Variants in SAE1 observed in about 807,000 individuals in gnomAD.
SAE1 encodes SUMO-activating enzyme subunit 1.
Under a neutral mutation model 40.6 loss-of-function variants are expected in SAE1, and 11 were observed. That is an observed-to-expected ratio of 0.27 (90% CI 0.17 to 0.45). The LOEUF (loss-of-function observed/expected upper bound fraction) is 0.45, where lower values mean the gene tolerates loss of function less well. SAE1 is among the 20% of genes least tolerant of loss of function. The pLI, the probability that SAE1 is intolerant of heterozygous loss-of-function variation, is 1.00. For synonymous variants in SAE1, 155 were observed against 154.3 expected, an observed-to-expected ratio of 1.00 and a Z score of -0.03; for missense variants, 373 against 427.3, an observed-to-expected ratio of 0.87 and a Z score of 1.12.
At chr19:47,184,390 TTCTG>T (rs1484912635) in intron 6 of SAE1, among the ~76,000 whole-genome samples, 2 of 152,150 alleles carry the variant, frequency 1.3e-5, no homozygotes, top group East Asian at 1.9e-4. Flanking sequence ...ACCTACCTCA[TTCTG>T]TCTTTTTTGT....
chr19:47,176,428 G>C (rs747841235), intron 6 of SAE1, among the ~76,000 whole-genome samples: 4 of 152,228 alleles, frequency 2.6e-5, no homozygotes, highest in Non-Finnish European at 5.9e-5. Context: ...AAAGAAACCT[G>C]ATTTTGTTTC....
At chr19:47,145,228 C>CT (rs532194916) in intron 2 of SAE1, among the ~76,000 whole-genome samples, 1 of 152,036 alleles carries the variant, frequency 6.6e-6, no homozygotes, top group South Asian at 2.1e-4. Flanking sequence ...TCTTGAACTC[C>CT]GACCTCAGGT....
intron 3 of SAE1, among the ~76,000 whole-genome samples, chr19:47,151,671 T>C (rs1343351998): frequency 2.0e-5 from 3 of 152,212 alleles, no homozygotes; most frequent in Non-Finnish European, 4.4e-5. Context: ...TGTGCATTTG[T>C]CCTGTTTTCT....
chr19:47,158,814 G>A (rs2058339769), intron 5 of SAE1, among the ~76,000 whole-genome samples: 1 of 152,226 alleles, frequency 6.6e-6, no homozygotes, highest in East Asian at 1.9e-4. Flanking sequence ...ACACAGCTGT[G>A]GAAGAAGGGG....
intron 2 of SAE1, among the ~76,000 whole-genome samples, chr19:47,143,969 T>G (rs1229036698): frequency 1.3e-5 from 2 of 152,198 alleles, no homozygotes; most frequent in Non-Finnish European, 2.9e-5. Context: ...GGAGGCTTCG[T>G]GGTGCCCTAG....
chr19:47,143,348 G>T (rs532168173), intron 1 of SAE1, 146 bp from the exon 2 acceptor site: 1 of 602,718 alleles, frequency 1.7e-6, no homozygotes, highest in South Asian at 1.8e-5. Flanking sequence ...CAAGTGATCC[G>T]CCTATCTCAG....
At chr19:47,145,900 T>C (rs1600154800) in intron 2 of SAE1, among the ~76,000 whole-genome samples, 1 of 151,302 alleles carries the variant, frequency 6.6e-6, no homozygotes, top group East Asian at 1.9e-4. Context: ...GTGCTGGTGA[T>C]AGAAAGATGC....
chr19:47,173,592 G>A (rs1017105801), intron 6 of SAE1, among the ~76,000 whole-genome samples: 1 of 151,890 alleles, frequency 6.6e-6, no homozygotes, highest in African/African-American at 2.4e-5. Context: ...ACACTGTCAC[G>A]GGGGACTGTC....
rs138256634 is a variant in SAE1, at chr19:47,204,140, C to G, written c.948+400C>G. Among the ~76,000 whole-genome samples the G allele has an allele frequency of 2.6e-3, 392 of 151,422 alleles. 3 individuals are homozygous for G. The highest frequency in any genetic ancestry group is 9.2e-3 in the African/African-American group (378 of 41,206). On this transcript the variant is annotated intron_variant, in intron 8 of 8. Transcript: ENST00000270225. ...GGACTCCAGAACCTGTGCTCTTAAC[C>G]TCTGTACAGTTTATCTCTATTCATC...
intron 7 of SAE1, among the ~76,000 whole-genome samples, chr19:47,202,548 A>G (rs1245214917): frequency 6.6e-6 from 1 of 151,618 alleles, no homozygotes; most frequent in African/African-American, 2.4e-5. Context: ...GACCTCCCAA[A>G]GTGCTGGGAT....
intron 3 of SAE1, among the ~76,000 whole-genome samples, chr19:47,151,347 C>T (rs1472088427): frequency 6.6e-6 from 1 of 152,056 alleles, no homozygotes; most frequent in East Asian, 1.9e-4. Flanking sequence ...GATGGGGTTT[C>T]ACCATGTTGG....
chr19:47,177,890 G>A (rs773187175), intron 6 of SAE1, among the ~76,000 whole-genome samples: 8 of 152,140 alleles, frequency 5.3e-5, no homozygotes, highest in Non-Finnish European at 8.8e-5. Context: ...GATAGAGGCT[G>A]AGCCTCGGAG....
intron 2 of SAE1, among the ~76,000 whole-genome samples, chr19:47,149,804 ACAGTGTTT>A (rs2058276429): frequency 6.6e-6 from 1 of 152,192 alleles, no homozygotes; most frequent in African/African-American, 2.4e-5. Flanking sequence ...AGGGCTGTGC[ACAGTGTTT>A]CATGCCTGTA....
At chr19:47,171,769 A>G (rs1427102522) in intron 6 of SAE1, among the ~76,000 whole-genome samples, 1 of 141,516 alleles carries the variant, frequency 7.1e-6, no homozygotes, top group African/African-American at 2.7e-5. Flanking sequence ...TGGCTGCGCT[A>G]ATTTTTGTAT....
At chr19:47,134,506 G>A (rs922337930) in intron 1 of SAE1, among the ~76,000 whole-genome samples, 1 of 152,050 alleles carries the variant, frequency 6.6e-6, no homozygotes, top group African/African-American at 2.4e-5. Flanking sequence ...TCTGGACATA[G>A]GTGGACTGCA....
chr19:47,161,439 A>G (rs1364720323), intron 5 of SAE1, among the ~76,000 whole-genome samples: 1 of 152,134 alleles, frequency 6.6e-6, no homozygotes, highest in Admixed American at 6.6e-5. Context: ...ACCAATCTGT[A>G]TGCTGTTTCT....
At position 47,150,364 on chromosome 19, in the gene SAE1, C is replaced by A; in HGVS notation, c.373C>A (p.Gln125Lys). The A allele has an allele frequency of 6.2e-7, 1 of 1,600,952 alleles. No homozygotes were observed. Residue 125 changes from glutamine to lysine, a missense_variant, in exon 3 of 9, where the codon CAA becomes AAA. Physicochemically the swap from Gln to Lys is moderately conservative, Grantham distance 53. This residue lies in a region of SAE1 where 351 missense variants were observed against 390.6 expected (regional missense o/e 0.90). Coordinates refer to ENST00000270225, the MANE Select transcript of SAE1 (RefSeq NM_005500.3). ...GAAGAAACCAGAGTCATTTTTCACT[C>A]AATTCGATGCTGTAAGTTTCTTATT... ...IEKKPESFFT[Q>K]FDAVCLTCCS...
At chr19:47,172,239 C>A (rs1049009614) in intron 6 of SAE1, among the ~76,000 whole-genome samples, 2 of 152,166 alleles carry the variant, frequency 1.3e-5, no homozygotes, top group Non-Finnish European at 2.9e-5. Context: ...TTTGAAAGTC[C>A]CGAATATCCA....
intron 6 of SAE1, among the ~76,000 whole-genome samples, chr19:47,182,464 AGTGTGTGTGTGTGTGTGTGT>A (rs113149127): frequency 4.2e-5 from 6 of 144,360 alleles, no homozygotes; most frequent in African/African-American, 1.5e-4. Context: ...AAAAAAGCGT[AGTGTGTGTGTGTGTGTGTGT>A]GTGTGTGTGT....
Sources: gnomAD v4.1 joint callset for allele counts (sites outside exome capture counted in the v4.1 genomes callset) on GRCh38, gnomAD v4.1.1 for gene constraint, gnomAD v4.1.1 regional missense constraint, MANE v1.5 for transcripts, NCBI Gene and HGNC (gene_info 2026-07-23, HGNC 2026-07-21) for gene names.